Variants in PATJ observed in about 807,000 individuals in gnomAD.
PATJ encodes inaD-like protein.
Under a neutral mutation model 224.9 loss-of-function variants are expected in PATJ, and 190 were observed. The ratio of observed to expected loss-of-function variants is 0.84; its 90% CI spans 0.75 to 0.95. The LOEUF (loss-of-function observed/expected upper bound fraction) is 0.95. PATJ is among the 40% of genes least tolerant of loss of function. The probability of loss-of-function intolerance (pLI) is 0.00; values close to 1 mark genes in which losing one functional copy is unlikely to be tolerated. For missense variants in PATJ, 2,121 were observed against 2,270.3 expected (o/e 0.93, Z 1.34); for synonymous variants, 769 against 820.3 (o/e 0.94, Z 1.07).
chr1:61,911,237 CAG>C (rs1215764032), intron 25 of PATJ, among the ~76,000 whole-genome samples: 6 of 152,162 alleles, frequency 3.9e-5, no homozygotes, highest in Admixed American at 2.0e-4. Context: ...TGTTTTGGGA[CAG>C]AGTCTCGCTC....
chr1:62,031,801 A>G (rs1198898997), intron 29 of PATJ, among the ~76,000 whole-genome samples: 1 of 152,234 alleles, frequency 6.6e-6, no homozygotes, highest in African/African-American at 2.4e-5. Flanking sequence ...ACCTTTCTGT[A>G]AAACCAAGAG....
chr1:61,847,910 AAGG>A (rs1157957274), intron 17 of PATJ, among the ~76,000 whole-genome samples: 1 of 151,448 alleles, frequency 6.6e-6, no homozygotes, highest in Non-Finnish European at 1.5e-5. Context: ...CTTATCAAAA[AAGG>A]AGACATGCTG....
chr1:61,929,251 C>T (rs1388704755), intron 27 of PATJ, among the ~76,000 whole-genome samples: 2 of 152,304 alleles, frequency 1.3e-5, no homozygotes, highest in South Asian at 2.1e-4. Flanking sequence ...AGTATTTGCC[C>T]AGTTATTGGG....
intron 41 of PATJ, among the ~76,000 whole-genome samples, chr1:62,146,108 G>A (rs1272519730): frequency 6.6e-6 from 1 of 152,194 alleles, no homozygotes; most frequent in East Asian, 1.9e-4. Context: ...TCAGAGTAGT[G>A]AAGAAGCCAA....
At chr1:61,839,737 A>G (rs1028485918) in intron 17 of PATJ, among the ~76,000 whole-genome samples, 1 of 152,088 alleles carries the variant, frequency 6.6e-6, no homozygotes, top group Non-Finnish European at 1.5e-5. Flanking sequence ...TTTGAATTTC[A>G]GTGATTTAGA....
chr1:61,822,865 T>C, intron 14 of PATJ, 80 bp from the exon 15 acceptor site: 5 of 1,531,684 alleles, frequency 3.3e-6, no homozygotes, highest in Non-Finnish European at 4.4e-6. Context: ...GGTTTTTCAC[T>C]TCAAAATAGC....
At chr1:61,765,419 C>CTGTCATCCAGGCTGT (rs1646216347) in intron 3 of PATJ, among the ~76,000 whole-genome samples, 1 of 151,290 alleles carries the variant, frequency 6.6e-6, no homozygotes, top group Non-Finnish European at 1.5e-5. Flanking sequence ...GAGTCTTGCT[C>CTGTCATCCAGGCTGT]TGTCATCCAG....
intron 3 of PATJ, among the ~76,000 whole-genome samples, chr1:61,764,706 T>C (rs2148308618): frequency 6.6e-6 from 1 of 152,312 alleles, no homozygotes; most frequent in South Asian, 2.1e-4. Context: ...AGTGATTTGT[T>C]TATAGCCAAT....
intron 1 of PATJ, among the ~76,000 whole-genome samples, chr1:61,743,023 C>G (rs1156260536): frequency 6.6e-6 from 1 of 152,136 alleles, no homozygotes; most frequent in Admixed American, 6.5e-5. Context: ...GGAGTCTTTC[C>G]CTCCATCGGT....
chr1:61,975,907 C>T lies in PATJ; in HGVS notation c.3671-14261C>T, dbSNP rs1157660363. 2.6e-5 allele frequency among the ~76,000 whole-genome samples: 4 copies of T among 152,210 alleles called. No homozygotes were observed. The South Asian group carries it at 6.2e-4, about 24-fold the overall frequency. ...CAGCTTCCTTGTTAGCCTTCAGCTT[C>T]CTTTACTTTGGACTTCTAAACAGTT... is the stretch of plus-strand genomic sequence containing the variant. On this transcript the variant is annotated intron_variant, in intron 27 of 43. Transcript: ENST00000642238.
At chr1:61,862,610 T>G (rs1664792680) in intron 19 of PATJ, among the ~76,000 whole-genome samples, 1 of 152,136 alleles carries the variant, frequency 6.6e-6, no homozygotes, top group Non-Finnish European at 1.5e-5. Context: ...TTCCTAAAAT[T>G]TTGGATGGTA....
intron 29 of PATJ, among the ~76,000 whole-genome samples, chr1:62,029,527 T>G (rs768851961): frequency 1.3e-5 from 2 of 152,222 alleles, no homozygotes; most frequent in African/African-American, 2.4e-5. Context: ...TATTACAGTT[T>G]GAATTATGGT....
rs1465000236 is a variant in PATJ, at chr1:62,018,014, T to C, written c.3959+67T>C. Reference sequence around the variant, plus strand: ...TCTGAAGATGTTATTAGTGTAAGACTATGTCATCTTTGATTTGTCTAGCGA... The same window carrying C: ...TCTGAAGATGTTATTAGTGTAAGACCATGTCATCTTTGATTTGTCTAGCGA... On this transcript the variant is annotated intron_variant, in intron 29 of 43. Transcript: ENST00000642238. The surrounding 1 kb of genome is among the most constrained non-coding windows in gnomAD (Gnocchi z 4.2). 3 of 812,636 alleles carry C rather than the reference T, an allele frequency of 3.7e-6. No homozygotes were observed. The East Asian group carries it at 7.4e-5, about 20-fold the overall frequency. 50.3% of individuals were successfully genotyped at this position (812,636 alleles called of 1,614,324 possible).
intron 35 of PATJ, among the ~76,000 whole-genome samples, chr1:62,115,516 G>A (rs551770257): frequency 9.3e-5 from 14 of 151,078 alleles, no homozygotes; most frequent in African/African-American, 1.9e-4. Flanking sequence ...CTTAACAGTC[G>A]TTTGTTCCAG....
intron 31 of PATJ, among the ~76,000 whole-genome samples, chr1:62,061,338 C>T (rs532041230): frequency 1.8e-3 from 270 of 150,786 alleles, no homozygotes; most frequent in Middle Eastern, 3.5e-3. Flanking sequence ...CCCGCCCCCA[C>T]GCCCAGCTAA....
intron 41 of PATJ, among the ~76,000 whole-genome samples, chr1:62,145,558 G>A (rs1428208542): frequency 2.0e-5 from 3 of 152,072 alleles, no homozygotes; most frequent in Admixed American, 6.6e-5. Context: ...CTACTTGGAG[G>A]ATGAGGTGAG....
intron 31 of PATJ, among the ~76,000 whole-genome samples, chr1:62,052,902 G>T (rs1029864684): frequency 1.3e-5 from 2 of 152,190 alleles, no homozygotes; most frequent in Admixed American, 1.3e-4. Context: ...TGTTCTGTTT[G>T]GCACTATATC....
intron 28 of PATJ, among the ~76,000 whole-genome samples, chr1:61,998,001 A>ATATTATATATT (rs1645496865): frequency 9.2e-6 from 1 of 108,876 alleles, no homozygotes; most frequent in Non-Finnish European, 1.7e-5. Context: ...TATATATAAT[A>ATATTATATATT]TATTATATAT....
chr1:61,917,828 C>T (rs1035771798), intron 26 of PATJ, among the ~76,000 whole-genome samples: 18 of 151,918 alleles, frequency 1.2e-4, no homozygotes, highest in Non-Finnish European at 5.9e-5. Flanking sequence ...CCAACGTGGG[C>T]GAATCACAAG....
Sources: gnomAD v4.1 joint callset for allele counts (sites outside exome capture counted in the v4.1 genomes callset) on GRCh38, gnomAD v4.1.1 for gene constraint, Gnocchi (gnomAD v3.1) non-coding constraint, MANE v1.5 for transcripts, NCBI Gene and HGNC (gene_info 2026-07-23, HGNC 2026-07-21) for gene names.